Variants in SNTG1 observed in about 807,000 individuals in gnomAD.
The protein encoded by SNTG1 is gamma-1-syntrophin.
Under a neutral mutation model 74.7 loss-of-function variants are expected in SNTG1, and 39 were observed. The observed-to-expected ratio is 0.52, with a 90% CI of 0.40 to 0.68. SNTG1 has a LOEUF of 0.68. Among genes scored for constraint, SNTG1 ranks in the 30% least tolerant of loss-of-function variants. The pLI is 0.00. For synonymous variants in SNTG1, 254 were observed against 217.1 expected (o/e 1.17, Z -1.49); for missense variants, 685 against 609.5 (o/e 1.12, Z -1.30).
intron 15 of SNTG1, among the ~76,000 whole-genome samples, chr8:50,659,252 A>G (rs1328597487): frequency 6.6e-6 from 1 of 152,182 alleles, no homozygotes; most frequent in Non-Finnish European, 1.5e-5. Flanking sequence ...AAAATGTCAC[A>G]TGGTTTCTAT....
At chr8:50,041,691 T>C (rs1295049734) in intron 1 of SNTG1, among the ~76,000 whole-genome samples, 1 of 152,314 alleles carries the variant, frequency 6.6e-6, no homozygotes, top group East Asian at 1.9e-4. Context: ...GTGTCCCAGT[T>C]GAAAAGCGAC....
intron 2 of SNTG1, among the ~76,000 whole-genome samples, chr8:50,183,012 A>G (rs909774824): frequency 6.6e-6 from 1 of 152,124 alleles, no homozygotes; most frequent in Non-Finnish European, 1.5e-5. Context: ...GTGGTGGCCA[A>G]CTTTACATTA....
chr8:50,735,833 G>A (rs917415136), intron 17 of SNTG1, among the ~76,000 whole-genome samples: 2 of 151,988 alleles, frequency 1.3e-5, no homozygotes, highest in East Asian at 3.9e-4. Flanking sequence ...ATTAACCAAG[G>A]TTGAAATGAA....
intron 2 of SNTG1, among the ~76,000 whole-genome samples, chr8:50,272,414 C>T (rs1400060010): frequency 1.3e-5 from 2 of 152,180 alleles, no homozygotes; most frequent in African/African-American, 4.8e-5. Context: ...CCTCTGTCAG[C>T]TTCTTTGATT....
chr8:49,973,013 G>A (rs1449560316), intron 1 of SNTG1, among the ~76,000 whole-genome samples: 1 of 152,044 alleles, frequency 6.6e-6, no homozygotes, highest in African/African-American at 2.4e-5. Flanking sequence ...CCCATTACTG[G>A]GTATATACCC....
chr8:50,407,364 CT>C lies in SNTG1; in HGVS notation c.162+5021del, dbSNP rs545080196. Among the ~76,000 whole-genome samples the C allele has an allele frequency of 3.3e-5, 5 of 152,240 alleles. No homozygotes were observed. In the South Asian group the frequency reaches 1.0e-3, roughly 32 times the overall value. On this transcript the variant is annotated intron_variant, in intron 4 of 18. Coordinates refer to ENST00000642720, the MANE Select transcript of SNTG1 (RefSeq NM_018967.5). ...TATTTTGTTATCTAGAAGCAATGCT[CT>C]GAAGTCCTGGGTGGAAAATAGAACA... is the stretch of plus-strand genomic sequence containing the variant.
At chr8:50,771,261 A>G (rs1007931465) in intron 18 of SNTG1, among the ~76,000 whole-genome samples, 3 of 152,160 alleles carry the variant, frequency 2.0e-5, no homozygotes, top group South Asian at 2.1e-4. Flanking sequence ...TTAGAGATTC[A>G]TTATGTGGTC....
At chr8:50,033,953 C>T (rs911763276) in intron 1 of SNTG1, among the ~76,000 whole-genome samples, 2 of 152,088 alleles carry the variant, frequency 1.3e-5, no homozygotes, top group Admixed American at 6.5e-5. Context: ...AAAAGATAAG[C>T]AGTAAGAGAA....
intron 2 of SNTG1, among the ~76,000 whole-genome samples, chr8:50,375,016 T>A (rs904840698): frequency 3.3e-5 from 5 of 152,220 alleles, no homozygotes; most frequent in Admixed American, 3.3e-4. Flanking sequence ...ATCCATTAAT[T>A]GCAGAGTGAA....
intron 1 of SNTG1, among the ~76,000 whole-genome samples, chr8:49,930,085 T>C (rs1306840583): frequency 6.6e-6 from 1 of 152,174 alleles, no homozygotes; most frequent in East Asian, 1.9e-4. Flanking sequence ...AAACTACAAG[T>C]CCAGACTGCT....
At chr8:50,083,612 T>C (rs1484386133) in intron 1 of SNTG1, among the ~76,000 whole-genome samples, 1 of 152,200 alleles carries the variant, frequency 6.6e-6, no homozygotes, top group Non-Finnish European at 1.5e-5. Context: ...CAGAATTCTG[T>C]TAATCAGAAA....
At chr8:50,607,493 G>A (rs1420149238) in intron 13 of SNTG1, among the ~76,000 whole-genome samples, 1 of 151,262 alleles carries the variant, frequency 6.6e-6, no homozygotes, top group Non-Finnish European at 1.5e-5. Context: ...TTAAGTCATT[G>A]GTATATATTT....
chr8:50,406,979 G>GA (rs2092884335), intron 4 of SNTG1, among the ~76,000 whole-genome samples: 1 of 152,112 alleles, frequency 6.6e-6, no homozygotes, highest in Non-Finnish European at 1.5e-5. Flanking sequence ...TATTCTTTGA[G>GA]AAAAACTCCC....
chr8:50,116,811 A>G (rs1903311), intron 1 of SNTG1, among the ~76,000 whole-genome samples: 31,027 of 151,984 alleles, frequency 0.2, 3,294 homozygotes, highest in South Asian at 0.37. Context: ...TATTCCAATA[A>G]CTTCTGAGCT....
In SNTG1 at chr8:49,948,949, C is replaced by G. The variant is rs1255361995; in HGVS notation, c.-103+36718C>G. On this transcript the variant is annotated intron_variant, in intron 1 of 18. Transcript: ENST00000642720. ...CTTCCCTGATCTTTGCCACCCTTCT[C>G]TTTAAGTGCTGCAGAGCTTCTGAGA... Among the ~76,000 whole-genome samples, 10 of 152,308 alleles carry G rather than the reference C, an allele frequency of 6.6e-5. 1 individual carries two copies. The East Asian group carries it at 1.9e-3, about 29-fold the overall frequency.
At chr8:50,710,721 A>G (rs138580359) in intron 17 of SNTG1, among the ~76,000 whole-genome samples, 101 of 152,304 alleles carry the variant, frequency 6.6e-4, no homozygotes, top group African/African-American at 2.3e-3. Flanking sequence ...GTCCTATCTG[A>G]CATTCCTGTC....
chr8:49,981,370 T>A (rs553093766), intron 1 of SNTG1, among the ~76,000 whole-genome samples: 26 of 152,192 alleles, frequency 1.7e-4, no homozygotes, highest in African/African-American at 6.3e-4. Context: ...GGCTCAGAAA[T>A]TTTACCCATG....
intron 2 of SNTG1, among the ~76,000 whole-genome samples, chr8:50,299,812 A>G (rs2089563319): frequency 6.6e-6 from 1 of 152,086 alleles, no homozygotes; most frequent in Non-Finnish European, 1.5e-5. Flanking sequence ...GTTGCCATAT[A>G]GGACAGAATA....
chr8:50,358,418 A>G (rs1175768992), intron 2 of SNTG1, among the ~76,000 whole-genome samples: 1 of 152,224 alleles, frequency 6.6e-6, no homozygotes, highest in African/African-American at 2.4e-5. Flanking sequence ...GAAGGACAGC[A>G]TATGGGAACC....
Sources: allele counts gnomAD v4.1 joint callset (sites outside exome capture counted in the v4.1 genomes callset), GRCh38; gene constraint gnomAD v4.1.1; transcripts MANE v1.5; gene names NCBI Gene and HGNC (gene_info 2026-07-23, HGNC 2026-07-21).